Variants in MASP2 observed in about 807,000 individuals in gnomAD.
The protein encoded by MASP2 is mannan-binding lectin serine protease 2.
MASP2 carries 49 observed loss-of-function variants against 57.1 expected under a neutral mutation model. The observed-to-expected ratio is 0.86, with a 90% CI of 0.68 to 1.09. The LOEUF (loss-of-function observed/expected upper bound fraction) is 1.09, where lower values mean the gene tolerates loss of function less well. MASP2 is among the 50% of genes least tolerant of loss of function. The pLI is 0.00. For missense variants in MASP2, 900 were observed against 874.8 expected, an observed-to-expected ratio of 1.03 and a Z score of -0.36; for synonymous variants, 379 against 340.8, an observed-to-expected ratio of 1.11 and a Z score of -1.24.
Position 11,027,339 on chromosome 1 carries a change from A to G in MASP2, c.1607T>C (p.Ile536Thr). 6.2e-7 allele frequency: 1 copy of G among 1,614,184 alleles called. No individual in the cohort carries two copies. Among genetic ancestry groups the G allele is most frequent in the Non-Finnish European group, 8.5e-7 (1 of 1,180,030 alleles). ...DAGFDNDIAL[I>T]KLNNKVVINS... ...GATTACAACTTTGTTATTCAATTTA[A>G]TCAGTGCTATGTCATTGTCAAAGCC... Residue 536 changes from isoleucine to threonine, a missense_variant, in exon 11 of 11, where the codon ATT (isoleucine) becomes ACT (threonine). Coordinates refer to ENST00000400897, the MANE Select transcript of MASP2 (RefSeq NM_006610.4).
intron 4 of MASP2, among the ~76,000 whole-genome samples, chr1:11,044,194 TG>T (rs1425175415): frequency 6.6e-6 from 1 of 152,152 alleles, no homozygotes; most frequent in Admixed American, 6.5e-5. Flanking sequence ...ACCCCTGCCC[TG>T]GGGGCTGCTC....
At chr1:11,028,862 C>G (rs866859322) in intron 10 of MASP2, among the ~76,000 whole-genome samples, 1 of 146,092 alleles carries the variant, frequency 6.8e-6, no homozygotes, top group South Asian at 2.2e-4. Context: ...TACAGGCACA[C>G]GCCACCACAC....
Position 11,030,856 on chromosome 1 carries a change from G to A in MASP2, c.1114C>T (p.Leu372=), listed in dbSNP as rs1300077073. The A allele has an allele frequency of 6.2e-7, 1 of 1,613,646 alleles. No homozygotes were observed. Among genetic ancestry groups the A allele is most frequent in the Non-Finnish European group, 8.5e-7 (1 of 1,179,860 alleles). The change falls in exon 9 of 11, where the codon CTA becomes TTA. Residue 372 remains leucine (L), a synonymous_variant. Transcript: ENST00000400897. Reference sequence around the variant, plus strand: ...ATGTACTCCACTCGGCCACTGGGTAGATCATCAGGAGGGCCACAGTCAACA... The same window carrying A: ...ATGTACTCCACTCGGCCACTGGGTAAATCATCAGGAGGGCCACAGTCAACA... ...SIVDCGPPDD[L]PSGRVEYITG... is the part of the protein sequence containing the mutation.
At chr1:11,041,514 G>A (rs983494440) in intron 6 of MASP2, among the ~76,000 whole-genome samples, 1 of 145,636 alleles carries the variant, frequency 6.9e-6, no homozygotes, top group East Asian at 2.1e-4. Context: ...ATAGAAGGAT[G>A]TGTAGATAGA....
chr1:11,044,788 T>TTTTTTTTGGG, intron 4 of MASP2: 1 of 1,410,468 alleles, frequency 7.1e-7, no homozygotes, highest in East Asian at 3.2e-5. Flanking sequence ...CAGAGACACG[T>TTTTTTTTGGG]GGCAGCAGGT....
At chr1:11,046,816 G>A in intron 2 of MASP2, 75 bp downstream of exon 2, 1 of 1,551,336 alleles carries the variant, frequency 6.4e-7, no homozygotes, top group South Asian at 1.2e-5. Flanking sequence ...CTGCTCCCAG[G>A]TGTCCCTGAA....
chr1:11,043,504 C>T lies in MASP2; in HGVS notation c.576G>A (p.Arg192=). ...ATTCAGGGCTGCTGAGCTCCCCAGA[C>T]CTCTGGGTGAAGACCTGGCCGGAGC... ...ALCSGQVFTQ[R]SGELSSPEYP... The change falls in exon 5 of 11, where the codon AGG becomes AGA. Residue 192 remains arginine, a synonymous_variant. Coordinates refer to ENST00000400897, the MANE Select transcript of MASP2 (RefSeq NM_006610.4). The T allele has an allele frequency of 6.2e-7, 1 of 1,606,334 alleles. No individual in the cohort carries two copies. Among genetic ancestry groups the T allele is most frequent in the Non-Finnish European group, 8.5e-7 (1 of 1,177,298 alleles).
intron 6 of MASP2, among the ~76,000 whole-genome samples, chr1:11,041,862 ATGGG>A (rs2100898989): frequency 6.9e-6 from 1 of 145,724 alleles, no homozygotes; most frequent in African/African-American, 2.6e-5. Context: ...TGATAGAAGG[ATGGG>A]TGGGTGGAAG....
At position 11,027,181 on chromosome 1, in the gene MASP2, C is replaced by T. The variant is rs372314306; in HGVS notation, c.1765G>A (p.Asp589Asn). Residue 589 changes from aspartate to asparagine, a missense_variant, in exon 11 of 11, where the codon GAC becomes AAC. By Grantham distance (23) the Asp-to-Asn change is conservative (BLOSUM62 1). Transcript: ENST00000400897. The part of the protein sequence containing the change: ...GFLARNLMYV[D>N]IPIVDHQKCT... The stretch of plus-strand genomic sequence containing the variant: ...TTTTGATGGTCAACAATCGGTATGT[C>T]GACATACATTAGATTTCTAGCAAGA... 9.9e-6 allele frequency: 16 copies of T among 1,613,984 alleles called. No individual in the cohort carries two copies. The highest frequency in any genetic ancestry group is 8.0e-5 in the African/African-American group (6 of 74,902).
intron 8 of MASP2, among the ~76,000 whole-genome samples, chr1:11,034,296 A>G (rs1318245117): frequency 6.6e-6 from 1 of 151,004 alleles, no homozygotes; most frequent in Non-Finnish European, 1.5e-5. Flanking sequence ...TAAAGCACAT[A>G]CCTTCCCTAG....
chr1:11,030,848 AC>A lies in MASP2; in HGVS notation c.1121del (p.Ser374MetfsTer12). 6.2e-7 allele frequency: 1 copy of A among 1,613,922 alleles called. No individual in the cohort carries two copies. The highest frequency in any genetic ancestry group is 1.1e-5 in the South Asian group (1 of 91,042). ...GACCTGTGATGTACTCCACTCGGCC[AC>A]TGGGTAGATCATCAGGAGGGCCACA... ...VDCGPPDDLPSGRVEYITGPG... is the reference protein window; with the variant it reads ...VDCGPPDDLPXGRVEYITGPG... On this transcript the variant is annotated frameshift_variant, in exon 9 of 11. Coordinates refer to ENST00000400897, the MANE Select transcript of MASP2 (RefSeq NM_006610.4). LOFTEE classifies it high-confidence loss of function.
At chr1:11,031,818 C>G (rs1428270980) in intron 8 of MASP2, among the ~76,000 whole-genome samples, 1 of 152,002 alleles carries the variant, frequency 6.6e-6, no homozygotes, top group Non-Finnish European at 1.5e-5. Context: ...GAGGCTGAAG[C>G]AGGAGGATGG....
rs778398185 is a variant in MASP2, at chr1:11,029,551, A to G, written c.1297+625T>C. The G allele has an allele frequency of 5.9e-5, 9 of 152,014 alleles. No homozygotes were observed. In the East Asian group the frequency reaches 1.4e-3, roughly 23 times the overall value. 9.4% of individuals were successfully genotyped at this position (152,014 alleles called of 1,614,324 possible). On this transcript the variant is annotated intron_variant, in intron 10 of 10. Transcript: ENST00000400897. Reference sequence around the variant, plus strand: ...GGGAAATTATTTGCTTTGGGTTTTAATAGCATTTTAACATAGAATAGTAAC... The same window carrying G: ...GGGAAATTATTTGCTTTGGGTTTTAGTAGCATTTTAACATAGAATAGTAAC...
At chr1:11,030,584 CATT>C (rs1470694871) in intron 9 of MASP2, 161 bp downstream of exon 9, 5 of 744,876 alleles carry the variant, frequency 6.7e-6, no homozygotes, top group Non-Finnish European at 1.0e-5. Context: ...TGCAAATTGA[CATT>C]AAAGTCACTT....
Position 11,027,227 on chromosome 1 carries a change from C to G in MASP2, c.1719G>C (p.Trp573Cys), listed in dbSNP as rs145092859. The G allele has an allele frequency of 6.1e-5, 98 of 1,614,188 alleles. No homozygotes were observed. In the African/African-American group the frequency reaches 1.1e-3, roughly 18 times the overall value. ...RTDDIGTASG[W>C]GLTQRGFLAR... ...CAAGAAAACCCCTTTGGGTTAATCCCCATCCAGATGCAGTTCCAATGTCAT... is the reference window on the plus strand; with the variant it reads ...CAAGAAAACCCCTTTGGGTTAATCCGCATCCAGATGCAGTTCCAATGTCAT... The change falls in exon 11 of 11, where the codon TGG becomes TGC. Residue 573 changes from tryptophan (W) to cysteine (C), a missense_variant. Physicochemically the swap from Trp to Cys is radical, Grantham distance 215. Coordinates refer to ENST00000400897, the MANE Select transcript of MASP2 (RefSeq NM_006610.4).
chr1:11,038,019 G>C lies in MASP2; in HGVS notation c.890-208C>G, dbSNP rs144162471. Reference sequence around the variant, plus strand: ...AAGGTTTCTTGTTTTCCCTGGGACTGAGCAAAAGGTATGTGAGAAAGCTGG... The same window carrying C: ...AAGGTTTCTTGTTTTCCCTGGGACTCAGCAAAAGGTATGTGAGAAAGCTGG... On this transcript the variant is annotated intron_variant, in intron 6 of 10. Coordinates refer to ENST00000400897, the MANE Select transcript of MASP2 (RefSeq NM_006610.4). Among the ~76,000 whole-genome samples the C allele has an allele frequency of 2.1e-3, 316 of 152,320 alleles. 4 individuals carry two copies. The highest frequency in any genetic ancestry group is 7.2e-3 in the African/African-American group (301 of 41,552).
intron 8 of MASP2, among the ~76,000 whole-genome samples, chr1:11,033,663 A>G (rs1429905697): frequency 6.6e-6 from 1 of 151,792 alleles, no homozygotes; most frequent in African/African-American, 2.4e-5. Context: ...AAAAAAAGAA[A>G]AAAATATTGT....
At chr1:11,037,321 T>C (rs1638270906) in intron 7 of MASP2, among the ~76,000 whole-genome samples, 1 of 152,102 alleles carries the variant, frequency 6.6e-6, no homozygotes, top group Non-Finnish European at 1.5e-5. Context: ...ACTCCTGGCC[T>C]CAAGTGATCT....
chr1:11,042,288 A>G (rs1638482970), intron 6 of MASP2, among the ~76,000 whole-genome samples: 1 of 150,796 alleles, frequency 6.6e-6, no homozygotes. Flanking sequence ...GAATAGAAGA[A>G]TGGGTGGGTA....
Sources: allele counts gnomAD v4.1 joint callset (sites outside exome capture counted in the v4.1 genomes callset), GRCh38; gene constraint gnomAD v4.1.1; transcripts MANE v1.5; gene names NCBI Gene and HGNC (gene_info 2026-07-23, HGNC 2026-07-21).